The following FOXP2 variants were observed in gnomAD, a reference collection of about 807,000 sequenced individuals.
FOXP2 encodes forkhead box P2, also known as forkhead box protein P2.
A neutral mutation model predicts 115.8 loss-of-function variants in FOXP2; 12 were observed. The observed-to-expected ratio is 0.10, with a 90% CI of 0.07 to 0.17. The LOEUF is 0.17. FOXP2 is among the 10% of genes least tolerant of loss of function. The pLI is 1.00. For missense variants in FOXP2, 629 were observed against 843.5 expected (o/e 0.75, Z 3.15); for synonymous variants, 328 against 297.7 (o/e 1.10, Z -1.05).
At chr7:114,287,572 C>G (rs1234111904) in intron 1 of FOXP2, among the ~76,000 whole-genome samples, 1 of 151,968 alleles carries the variant, frequency 6.6e-6, no homozygotes, top group East Asian at 1.9e-4. Flanking sequence ...TAAATGCTTA[C>G]TACCAATTTG....
intron 3 of FOXP2, among the ~76,000 whole-genome samples, chr7:114,555,066 G>T (rs1213422224): frequency 2.0e-5 from 3 of 152,174 alleles, no homozygotes; most frequent in African/African-American, 7.2e-5. Context: ...TCACAAGTCA[G>T]ATGTTCCCAT....
intron 2 of FOXP2, among the ~76,000 whole-genome samples, chr7:114,489,027 A>G: frequency 6.6e-6 from 1 of 152,312 alleles, no homozygotes; most frequent in East Asian, 1.9e-4. Context: ...CTGCAAAAAC[A>G]GATGTTATAT....
chr7:114,336,729 T>C (rs994400605), intron 2 of FOXP2, among the ~76,000 whole-genome samples: 1 of 151,514 alleles, frequency 6.6e-6, no homozygotes, highest in Non-Finnish European at 1.5e-5. Context: ...AAAGTATTCA[T>C]AAATCTGTAC....
At chr7:114,265,909 G>A (rs999121249) in intron 1 of FOXP2, among the ~76,000 whole-genome samples, 11 of 152,060 alleles carry the variant, frequency 7.2e-5, no homozygotes, top group African/African-American at 1.4e-4. Flanking sequence ...GCCTGGTTTC[G>A]AGAAGCAGTG....
chr7:114,685,771 C>T (rs879442219), intron 16 of FOXP2, among the ~76,000 whole-genome samples: 2 of 152,106 alleles, frequency 1.3e-5, no homozygotes, highest in Admixed American at 1.3e-4. Flanking sequence ...AAGTACTTTT[C>T]TTATATCTGT....
intron 1 of FOXP2, among the ~76,000 whole-genome samples, chr7:114,164,640 C>G (rs1792929495): frequency 6.6e-6 from 1 of 152,052 alleles, no homozygotes; most frequent in Admixed American, 6.6e-5. Flanking sequence ...GTGCCCGGCC[C>G]AAAACATTTT....
At chr7:114,479,541 GAA>G (rs747145273) in intron 2 of FOXP2, among the ~76,000 whole-genome samples, 20 of 131,392 alleles carry the variant, frequency 1.5e-4, no homozygotes, top group African/African-American at 5.1e-4. Context: ...GATATTTGAG[GAA>G]AAAAAAAAAA....
chr7:114,409,838 A>ATAC (rs1383582165), upstream of FOXP2, among the ~76,000 whole-genome samples: 6 of 152,168 alleles, frequency 3.9e-5, no homozygotes, highest in East Asian at 1.2e-3. Context: ...AACCATCTTG[A>ATAC]TACTCCCTGT....
rs1802598608 is a variant in FOXP2 at position 114,594,491 on chromosome 7, A to G, written c.259-34049A>G. On this transcript the variant is annotated intron_variant, in intron 3 of 16. Coordinates refer to ENST00000350908, the MANE Select transcript of FOXP2 (RefSeq NM_014491.4). The stretch of plus-strand genomic sequence containing the variant: ...TATTGTTGAGCAGGGAAGTATACTG[A>G]CTGTGTGGAGTTGTCTCACTTTGGA... 2.0e-5 allele frequency among the ~76,000 whole-genome samples: 3 copies of G among 152,080 alleles called. No individual in the cohort carries two copies. In the South Asian group the frequency reaches 6.2e-4, roughly 31 times the overall value.
At chr7:114,303,567 A>G (rs1796927504) in intron 2 of FOXP2, among the ~76,000 whole-genome samples, 1 of 151,982 alleles carries the variant, frequency 6.6e-6, no homozygotes, top group South Asian at 2.1e-4. Flanking sequence ...TCATTTTTAA[A>G]CCTTTGTTTC....
chr7:114,093,716 CAGGTG>C (rs1799587671), intron 1 of FOXP2, among the ~76,000 whole-genome samples: 1 of 151,880 alleles, frequency 6.6e-6, no homozygotes, highest in Non-Finnish European at 1.5e-5. Context: ...GCCCTCGTCT[CAGGTG>C]AGTATACTTC....
chr7:114,263,714 T>C (rs568201370), intron 1 of FOXP2, among the ~76,000 whole-genome samples: 11 of 151,418 alleles, frequency 7.3e-5, no homozygotes, highest in African/African-American at 2.2e-4. Context: ...GTAACTGTTA[T>C]GGTTCCTTTA....
At chr7:114,331,409 C>T (rs1797710662) in intron 2 of FOXP2, among the ~76,000 whole-genome samples, 1 of 151,892 alleles carries the variant, frequency 6.6e-6, no homozygotes, top group Non-Finnish European at 1.5e-5. Flanking sequence ...CAATATATAA[C>T]CTTAGAAGAC....
intron 1 of FOXP2, among the ~76,000 whole-genome samples, chr7:114,246,121 C>T (rs1795277255): frequency 6.6e-6 from 1 of 152,034 alleles, no homozygotes; most frequent in Admixed American, 6.6e-5. Flanking sequence ...TATACAGTAT[C>T]TTTGTATGTA....
At chr7:114,482,290 G>A (rs763795175) in intron 2 of FOXP2, among the ~76,000 whole-genome samples, 1 of 151,356 alleles carries the variant, frequency 6.6e-6, no homozygotes, top group Non-Finnish European at 1.5e-5. Flanking sequence ...TCAGTGTTAT[G>A]GAGGCTTGTA....
At chr7:114,249,745 G>A (rs1281113546) in intron 1 of FOXP2, among the ~76,000 whole-genome samples, 5 of 151,836 alleles carry the variant, frequency 3.3e-5, no homozygotes, top group African/African-American at 9.7e-5. Flanking sequence ...TGAGATTGCT[G>A]GGTCAAATGG....
chr7:114,524,037 G>A (rs1584849323), intron 2 of FOXP2, among the ~76,000 whole-genome samples: 1 of 152,116 alleles, frequency 6.6e-6, no homozygotes, highest in Non-Finnish European at 1.5e-5. Context: ...AAATTTAACT[G>A]GGAATCTTCT....
chr7:114,445,898 C>T (rs117454930), intron 2 of FOXP2, among the ~76,000 whole-genome samples: 8,395 of 152,124 alleles, frequency 0.055, 342 homozygotes, highest in Non-Finnish European at 0.078. Flanking sequence ...TCTCATTCTA[C>T]TTTAATGAGC....
rs1325495933 is a variant in FOXP2 at position 114,252,731 on chromosome 7, T to C, written c.-101-35288T>C. 2.0e-5 allele frequency among the ~76,000 whole-genome samples: 3 copies of C among 152,140 alleles called. No homozygotes were observed. The East Asian group carries it at 5.8e-4, about 29-fold the overall frequency. On this transcript the variant is annotated intron_variant, in intron 1 of 17. Coordinates refer to the FOXP2 transcript ENST00000634411. ...GCGTTCTATCAATTTTGTCAATTGT[T>C]TCAAAAAACCAGCTCCTGCTTTCAT... is the stretch of plus-strand genomic sequence containing the variant.
Sources: allele counts gnomAD v4.1 joint callset (sites outside exome capture counted in the v4.1 genomes callset), GRCh38; gene constraint gnomAD v4.1.1; transcripts MANE v1.5; gene names NCBI Gene and HGNC (gene_info 2026-07-23, HGNC 2026-07-21).